VPS54: variants seen among roughly 807,000 people sequenced by gnomAD.
VPS54 encodes VPS54 subunit of GARP complex, also known as vacuolar protein sorting-associated protein 54.
Under a neutral mutation model 121.5 loss-of-function variants are expected in VPS54, and 45 were observed. The ratio of observed to expected loss-of-function variants is 0.37; its 90% confidence interval spans 0.29 to 0.47. The LOEUF is 0.47. VPS54 is among the 20% of genes least tolerant of loss of function. VPS54 has a pLI of 0.99. For missense variants in VPS54, 1,090 were observed against 1,131.4 expected, an observed-to-expected ratio of 0.96 and a Z score of 0.52; for synonymous variants, 371 against 385.8, an observed-to-expected ratio of 0.96 and a Z score of 0.45.
intron 22 of VPS54, 60 bp from the exon 23 acceptor site, chr2:63,893,595 G>C (rs1672319242): frequency 2.1e-6 from 3 of 1,435,958 alleles, no homozygotes; most frequent in South Asian, 2.5e-5. Context: ...GATAATTAAA[G>C]TAACAGTGCT....
chr2:63,897,468 T>C lies in VPS54; in HGVS notation c.2828+28A>G, dbSNP rs372921652. ...TCATTAAAACAATTCGATATGGGAG[T>C]ATATGGTGAAAACGTTAAAAAACAT... On this transcript the variant is annotated intron_variant, in intron 22 of 22. Transcript: ENST00000272322. The C allele has an allele frequency of 4.3e-6, 6 of 1,398,832 alleles. No individual in the cohort carries two copies. In the African/African-American group the frequency reaches 7.2e-5, roughly 17 times the overall value. 86.7% of individuals were successfully genotyped at this position (1,398,832 alleles called of 1,614,324 possible). A position where few individuals can be genotyped will look rare whatever the true frequency, so the allele number is the denominator to read the frequency against.
intron 11 of VPS54, among the ~76,000 whole-genome samples, chr2:63,936,826 G>A (rs949633878): frequency 1.1e-4 from 16 of 152,092 alleles, no homozygotes; most frequent in African/African-American, 3.6e-4. Flanking sequence ...AGAATAGAGA[G>A]AGCCCACAAA....
chr2:63,965,902 G>C lies in VPS54; in HGVS notation c.557C>G (p.Ser186Cys), dbSNP rs767599483. ...SLTFNSVLPW[S>C]HFNTAGGKGN... ...TTTTCCACCAGCAGTATTAAAATGAGACCATGGTAAAACTGAATTAAAAGT... is the reference window on the plus strand; with the variant it reads ...TTTTCCACCAGCAGTATTAAAATGACACCATGGTAAAACTGAATTAAAAGT... The change falls in exon 6 of 23, where the codon TCT (serine) becomes TGT (cysteine). Residue 186 changes from serine (S) to cysteine (C), a missense_variant. This residue lies in a region of VPS54 where 801 missense variants were observed against 757.0 expected (regional missense o/e 1.06). Transcript: ENST00000272322. The C allele has an allele frequency of 6.2e-7, 1 of 1,612,928 alleles. No homozygotes were observed. Among genetic ancestry groups the C allele is most frequent in the South Asian group, 1.1e-5 (1 of 90,612 alleles).
intron 7 of VPS54, among the ~76,000 whole-genome samples, chr2:63,949,763 A>T (rs527956242): frequency 2.6e-5 from 4 of 152,286 alleles, no homozygotes; most frequent in Admixed American, 1.3e-4. Flanking sequence ...GTATAACTTT[A>T]CCGAAATGCA....
chr2:63,932,107 A>G (rs1366918698), intron 12 of VPS54, among the ~76,000 whole-genome samples: 1 of 152,214 alleles, frequency 6.6e-6, no homozygotes, highest in Non-Finnish European at 1.5e-5. Flanking sequence ...GCGATTCTTC[A>G]AGGATCTAGA....
At chr2:63,970,497 ACATTT>A (rs1676233407) in intron 4 of VPS54, among the ~76,000 whole-genome samples, 2 of 151,996 alleles carry the variant, frequency 1.3e-5, no homozygotes, top group South Asian at 2.1e-4. Context: ...CTGGTAGTCT[ACATTT>A]CTTTCTCTTG....
intron 1 of VPS54, among the ~76,000 whole-genome samples, chr2:64,015,467 G>C (rs1307104376): frequency 6.6e-6 from 1 of 151,914 alleles, no homozygotes; most frequent in East Asian, 1.9e-4. Context: ...AAAAACACTA[G>C]GTCCTTACCA....
At chr2:64,018,835 G>A (rs1412826182) in intron 1 of VPS54, 103 bp downstream of exon 1, 1 of 151,694 alleles carries the variant, frequency 6.6e-6, no homozygotes, top group Non-Finnish European at 1.5e-5. Context: ...TCCGTTTGGG[G>A]CTGGGGAGGA....
At chr2:64,011,692 C>T (rs933630462) in intron 1 of VPS54, among the ~76,000 whole-genome samples, 2 of 152,158 alleles carry the variant, frequency 1.3e-5, no homozygotes, top group African/African-American at 2.4e-5. Context: ...CTTTCTTACT[C>T]CTTTGGGCCA....
At chr2:63,963,558 T>G (rs1675861738) in intron 6 of VPS54, among the ~76,000 whole-genome samples, 1 of 152,134 alleles carries the variant, frequency 6.6e-6, no homozygotes, top group African/African-American at 2.4e-5. Context: ...AAGAGACTAT[T>G]TGGTCATCAA....
intron 4 of VPS54, among the ~76,000 whole-genome samples, chr2:63,969,980 C>G (rs1181492813): frequency 6.6e-6 from 1 of 151,878 alleles, no homozygotes; most frequent in Non-Finnish European, 1.5e-5. Context: ...CACTTATCTT[C>G]AAATGAACCT....
At position 63,939,379 on chromosome 2, in the gene VPS54, A is replaced by C. The variant is rs967590651; in HGVS notation, c.1398+3086T>G. ...GAGTGAAACTCTACCTCAAAAAAAA[A>C]CAAAAAAACAAAAAAAGCGTAATAC... is the stretch of plus-strand genomic sequence containing the variant. On this transcript the variant is annotated intron_variant, in intron 11 of 22. Transcript: ENST00000272322. 8.5e-5 allele frequency among the ~76,000 whole-genome samples: 13 copies of C among 152,252 alleles called. No individual in the cohort carries two copies. The South Asian group carries it at 1.0e-3, about 12-fold the overall frequency.
intron 13 of VPS54, among the ~76,000 whole-genome samples, 157 bp downstream of exon 13, chr2:63,921,043 ATATCTC>A (rs1366284550): frequency 6.6e-6 from 1 of 152,196 alleles, no homozygotes; most frequent in Non-Finnish European, 1.5e-5. Context: ...AGATTACTTC[ATATCTC>A]AACATCTCCC....
intron 12 of VPS54, among the ~76,000 whole-genome samples, chr2:63,931,197 G>A (rs887077243): frequency 3.3e-5 from 5 of 152,112 alleles, no homozygotes; most frequent in Non-Finnish European, 7.3e-5. Context: ...GCATAGCCAA[G>A]ACAATCCTGG....
At position 63,997,574 on chromosome 2, in the gene VPS54, G is replaced by T. The variant is rs568112155; in HGVS notation, c.-20-13555C>A. 2.0e-5 allele frequency among the ~76,000 whole-genome samples: 3 copies of T among 152,084 alleles called. 1 individual carries two copies. In the South Asian group the frequency reaches 6.2e-4, roughly 32 times the overall value. Reference sequence around the variant, plus strand: ...CTTTTTTCATCTCTGATCTTTTGGGGTCTTCTTTTTTCTTAGTCTGGCAAA... The same window carrying T: ...CTTTTTTCATCTCTGATCTTTTGGGTTCTTCTTTTTTCTTAGTCTGGCAAA... On this transcript the variant is annotated intron_variant, in intron 1 of 22. Coordinates refer to ENST00000272322, the MANE Select transcript of VPS54 (RefSeq NM_016516.3).
chr2:63,927,301 T>C (rs539920691), intron 12 of VPS54, among the ~76,000 whole-genome samples: 1 of 152,182 alleles, frequency 6.6e-6, no homozygotes, highest in East Asian at 1.9e-4. Context: ...TCTGTGAAGC[T>C]TGCAAGGGAA....
At chr2:63,941,895 G>A (rs1001038790) in intron 11 of VPS54, among the ~76,000 whole-genome samples, 4 of 151,778 alleles carry the variant, frequency 2.6e-5, no homozygotes, top group East Asian at 1.9e-4. Flanking sequence ...TTAGCCAGGC[G>A]TGGTGGCACA....
intron 11 of VPS54, among the ~76,000 whole-genome samples, chr2:63,937,456 C>T (rs547927409): frequency 6.6e-6 from 1 of 152,260 alleles, no homozygotes; most frequent in African/African-American, 2.4e-5. Context: ...CCACCTCATA[C>T]CCATTAGGAT....
At chr2:64,001,407 T>C (rs1677872544) in intron 1 of VPS54, among the ~76,000 whole-genome samples, 1 of 152,176 alleles carries the variant, frequency 6.6e-6, no homozygotes, top group Admixed American at 6.5e-5. Flanking sequence ...CAAAGTCCCC[T>C]TTATTTTTCC....
Sources: gnomAD v4.1 joint callset for allele counts (sites outside exome capture counted in the v4.1 genomes callset) on GRCh38, gnomAD v4.1.1 for gene constraint, gnomAD v4.1.1 regional missense constraint, MANE v1.5 for transcripts, NCBI Gene and HGNC (gene_info 2026-07-23, HGNC 2026-07-21) for gene names.